The following TNS1 variants were observed in gnomAD, a reference collection of about 807,000 sequenced individuals.
The protein encoded by TNS1 is tensin-1.
A neutral mutation model predicts 168.6 loss-of-function variants in TNS1; 62 were observed. That is an observed-to-expected ratio of 0.37 (90% CI 0.30 to 0.45). The LOEUF is 0.45. Among genes scored for constraint, TNS1 ranks in the 20% least tolerant of loss-of-function variants. The pLI is 1.00. For missense variants in TNS1, 2,240 were observed against 2,339.4 expected (o/e 0.96, Z 0.88); for synonymous variants, 934 against 933.2 (o/e 1.00, Z -0.02).
At chr2:217,978,985 G>C (rs972964866) in intron 2 of TNS1, 183 bp from the exon 3 acceptor site, 8 of 601,680 alleles carry the variant, frequency 1.3e-5, no homozygotes, top group Non-Finnish European at 2.4e-5. Context: ...CGGGCCTGCG[G>C]GGCGGGAGTG....
chr2:217,877,226 C>T (rs1239918275), intron 18 of TNS1, among the ~76,000 whole-genome samples: 5 of 152,178 alleles, frequency 3.3e-5, no homozygotes, highest in African/African-American at 1.2e-4. Context: ...CATAAACGGG[C>T]TTCCCTTTGT....
chr2:217,827,973 G>C (rs953881031), intron 22 of TNS1, among the ~76,000 whole-genome samples: 1 of 152,172 alleles, frequency 6.6e-6, no homozygotes, highest in African/African-American at 2.4e-5. Flanking sequence ...GATACCACTG[G>C]TCTGTTAAAG....
intron 6 of TNS1, among the ~76,000 whole-genome samples, chr2:217,904,488 C>G (rs1415375534): frequency 6.6e-6 from 1 of 152,168 alleles, no homozygotes; most frequent in Non-Finnish European, 1.5e-5. Context: ...TAGGTTTTCT[C>G]TCCTCTTTTA....
chr2:217,978,942 G>A, intron 2 of TNS1, 140 bp from the exon 3 acceptor site: 3 of 659,770 alleles, frequency 4.5e-6, no homozygotes, highest in Non-Finnish European at 8.3e-6. Flanking sequence ...AAGGAGAGAG[G>A]GAGAGAGGGA....
intron 3 of TNS1, among the ~76,000 whole-genome samples, chr2:217,921,894 T>C (rs1048227260): frequency 1.3e-5 from 2 of 152,140 alleles, no homozygotes; most frequent in Admixed American, 6.5e-5. Flanking sequence ...GCGCGGGGCA[T>C]GGATGGGTTA....
At chr2:217,849,147 G>T (rs1947125111) in intron 18 of TNS1, 60 bp from the exon 19 acceptor site, 2 of 1,546,012 alleles carry the variant, frequency 1.3e-6, no homozygotes, top group African/African-American at 1.4e-5. Context: ...GGAGGCAGGG[G>T]TATCATCCAC....
chr2:217,946,074 C>A (rs1419603650), intron 3 of TNS1, among the ~76,000 whole-genome samples: 2 of 152,214 alleles, frequency 1.3e-5, no homozygotes, highest in Non-Finnish European at 2.9e-5. Context: ...CCAGTCCAAG[C>A]TCTGCAGTGG....
At chr2:218,024,784 T>C (rs1012287324) in intron 1 of TNS1, among the ~76,000 whole-genome samples, 2 of 152,128 alleles carry the variant, frequency 1.3e-5, no homozygotes, top group South Asian at 4.1e-4. Flanking sequence ...ACAATGCCTA[T>C]TCCTGAATGC....
chr2:218,002,817 G>C (rs776628623), intron 1 of TNS1, 23 bp downstream of exon 1: 2 of 456,518 alleles, frequency 4.4e-6, no homozygotes, highest in African/African-American at 4.0e-5. Flanking sequence ...GAGTAACGTC[G>C]CAGCTAAAGC....
chr2:217,930,743 G>A (rs374481560), intron 3 of TNS1, among the ~76,000 whole-genome samples: 2 of 152,320 alleles, frequency 1.3e-5, no homozygotes, highest in Non-Finnish European at 1.5e-5. Context: ...GGAGGACTAG[G>A]GGGAAGCCAG....
chr2:217,983,298 C>T (rs1173871076), intron 2 of TNS1, among the ~76,000 whole-genome samples: 1 of 152,154 alleles, frequency 6.6e-6, no homozygotes, highest in East Asian at 1.9e-4. Context: ...TCATGGCCTC[C>T]CAGCTACTAC....
intron 4 of TNS1, among the ~76,000 whole-genome samples, chr2:217,909,219 A>C (rs1954069511): frequency 1.3e-5 from 2 of 151,728 alleles, no homozygotes; most frequent in African/African-American, 4.8e-5. Context: ...AGAACAGCCC[A>C]GCTGCCTCGT....
intron 3 of TNS1, among the ~76,000 whole-genome samples, chr2:217,969,547 T>A (rs557942760): frequency 6.6e-6 from 1 of 152,308 alleles, no homozygotes; most frequent in South Asian, 2.1e-4. Context: ...GATAAGGAAT[T>A]TGTATCCTGA....
chr2:218,019,094 CA>C (rs111392370), intron 1 of TNS1, among the ~76,000 whole-genome samples: 27 of 146,524 alleles, frequency 1.8e-4, no homozygotes, highest in East Asian at 9.9e-4. Flanking sequence ...AAAGAAAAAA[CA>C]AAAAAAAAAT....
At chr2:218,018,850 A>C (rs1277254830) in intron 1 of TNS1, among the ~76,000 whole-genome samples, 5 of 152,332 alleles carry the variant, frequency 3.3e-5, no homozygotes, top group Middle Eastern at 6.8e-3. Context: ...AGGCCAAGGC[A>C]GGCAGATCAC....
chr2:217,909,943 A>G (rs1031218592), intron 4 of TNS1, among the ~76,000 whole-genome samples: 1 of 152,198 alleles, frequency 6.6e-6, no homozygotes, highest in Non-Finnish European at 1.5e-5. Flanking sequence ...CACATAAAGC[A>G]CTTAGAAGAG....
In TNS1 at chr2:217,821,778, G is replaced by T. The variant is rs922318017; in HGVS notation, c.3534C>A (p.Ser1178Arg). Residue 1178 changes from serine to arginine, a missense_variant, in exon 23 of 33, where the codon AGC becomes AGA. Coordinates refer to ENST00000682258, the MANE Select transcript of TNS1 (RefSeq NM_001387777.1). The part of the protein sequence containing the change: ...GTLGGSFVSP[S>R]PLSTSSPILS... ...GGATGGGGCTGCTGGTGGAGAGGGG[G>T]CTGGGGGAGACAAAGGAGCCACCCA... is the stretch of plus-strand genomic sequence containing the variant. 1 of 1,522,558 alleles carries T rather than the reference G, an allele frequency of 6.6e-7. No homozygotes were observed. Among genetic ancestry groups the T allele is most frequent in the African/African-American group, 1.4e-5 (1 of 70,460 alleles). 94.3% of individuals were successfully genotyped at this position (1,522,558 alleles called of 1,614,324 possible).
intron 22 of TNS1, among the ~76,000 whole-genome samples, chr2:217,826,722 T>C (rs1020256695): frequency 2.0e-5 from 3 of 152,134 alleles, no homozygotes; most frequent in African/African-American, 7.2e-5. Context: ...TACAGGGAGT[T>C]GGGCAGGGCG....
At chr2:217,941,868 C>A (rs1385020569) in intron 3 of TNS1, among the ~76,000 whole-genome samples, 1 of 152,186 alleles carries the variant, frequency 6.6e-6, no homozygotes, top group Admixed American at 6.5e-5. Flanking sequence ...TTAGACCAAA[C>A]AAAAGTTCTT....
Sources: allele counts gnomAD v4.1 joint callset (sites outside exome capture counted in the v4.1 genomes callset), GRCh38; gene constraint gnomAD v4.1.1; transcripts MANE v1.5; gene names NCBI Gene and HGNC (gene_info 2026-07-23, HGNC 2026-07-21).